The following CFAP161 variants were observed in gnomAD, a reference collection of about 807,000 sequenced individuals.
CFAP161 encodes cilia and flagella associated protein 161.
A neutral mutation model predicts 29.0 loss-of-function variants in CFAP161; 25 were observed. The observed-to-expected ratio is 0.86, with a 90% CI of 0.63 to 1.20. CFAP161 has a LOEUF of 1.20. Among genes scored for constraint, CFAP161 ranks in the 50% most tolerant of loss-of-function variants. The probability of loss-of-function intolerance (pLI) is 0.00; values close to 1 mark genes in which losing one functional copy is unlikely to be tolerated. For synonymous variants in CFAP161, 116 were observed against 137.4 expected, an observed-to-expected ratio of 0.84 and a Z score of 1.09; for missense variants, 367 against 371.9, an observed-to-expected ratio of 0.99 and a Z score of 0.11.
intron 4 of CFAP161, among the ~76,000 whole-genome samples, chr15:81,142,220 A>G (rs925733943): frequency 2.0e-5 from 3 of 151,442 alleles, no homozygotes; most frequent in African/African-American, 7.3e-5. Context: ...CTTTTAGTCT[A>G]TCCTGACTTC....
At chr15:81,105,256 CCTCTTT>C (rs1255645158) in intron 1 of CFAP161, among the ~76,000 whole-genome samples, 7 of 112,916 alleles carry the variant, frequency 6.2e-5, no homozygotes, top group African/African-American at 2.3e-4. Context: ...CTCTCTCCTT[CCTCTTT>C]CTCTTTCTTT....
intron 2 of CFAP161, among the ~76,000 whole-genome samples, chr15:81,129,016 T>C (rs970934026): frequency 5.9e-5 from 9 of 152,106 alleles, no homozygotes; most frequent in African/African-American, 2.2e-4. Context: ...TACTTCTTGA[T>C]CCATGGGCTG....
chr15:81,104,429 C>T (rs963716055), intron 1 of CFAP161, among the ~76,000 whole-genome samples: 9 of 152,166 alleles, frequency 5.9e-5, no homozygotes, highest in Admixed American at 1.3e-4. Context: ...TGAACAGGAG[C>T]GGGCCAAAGT....
chr15:81,147,687 A>G (rs1267049082), intron 5 of CFAP161, among the ~76,000 whole-genome samples, 171 bp from the exon 6 acceptor site: 2 of 152,204 alleles, frequency 1.3e-5, no homozygotes, highest in East Asian at 3.8e-4. Flanking sequence ...TCCTTTGCCA[A>G]ATGAAATGTT....
At chr15:81,129,938 T>C (rs1894687970), upstream of CFAP161, among the ~76,000 whole-genome samples, 1 of 141,172 alleles carries the variant, frequency 7.1e-6, no homozygotes, top group Admixed American at 6.8e-5. Context: ...CATCTTCTAA[T>C]GTAAGGCTTT....
chr15:81,133,776 A>T (rs911072431), upstream of CFAP161, among the ~76,000 whole-genome samples: 2 of 152,018 alleles, frequency 1.3e-5, no homozygotes, highest in African/African-American at 4.8e-5. Flanking sequence ...ATATACTAAC[A>T]TGGTATATTT....
chr15:81,105,118 C>CT lies in CFAP161; in HGVS notation c.-141-22472_-141-22471insT, dbSNP rs1255453981. Among the ~76,000 whole-genome samples the CT allele has an allele frequency of 4.9e-4, 25 of 50,742 alleles. 1 individual carries two copies. The highest frequency in any genetic ancestry group is 1.8e-3 in the African/African-American group (21 of 11,748). The allele number at this position is 50,742 out of a possible 152,430, so 33.3% of individuals were successfully genotyped here. A position where few individuals can be genotyped will look rare whatever the true frequency, so the allele number is the denominator to read the frequency against. On this transcript the variant is annotated intron_variant, in intron 1 of 4. Transcript: ENST00000560091. Reference sequence around the variant, plus strand: ...CCTCCCTCCCTCCCTTCCTTTCTCCCCCATACCTTTCTCCCCCCTCCCCTC... The same window carrying CT: ...CCTCCCTCCCTCCCTTCCTTTCTCCCTCCATACCTTTCTCCCCCCTCCCCTC...
At chr15:81,122,200 G>C (rs1477134358) in intron 1 of CFAP161, among the ~76,000 whole-genome samples, 2 of 152,072 alleles carry the variant, frequency 1.3e-5, no homozygotes, top group Admixed American at 6.5e-5. Context: ...CTTTATAATA[G>C]AATGATTTCT....
intron 1 of CFAP161, among the ~76,000 whole-genome samples, chr15:81,121,854 T>C (rs191229529): frequency 2.6e-4 from 39 of 152,308 alleles, no homozygotes; most frequent in Non-Finnish European, 5.1e-4. Context: ...TTCCTGATTC[T>C]CTCCCTCCTC....
intron 3 of CFAP161, among the ~76,000 whole-genome samples, chr15:81,137,575 G>A (rs2460854): frequency 6.6e-6 from 1 of 151,728 alleles, no homozygotes; most frequent in Non-Finnish European, 1.5e-5. Context: ...CAGCCTGGGG[G>A]AAAAAAAAGA....
In CFAP161 at chr15:81,143,867, A is replaced by G. The variant is rs756796562; in HGVS notation, c.636+47A>G. ...CATGGGTGTCTAGGCTATGAAATGG[A>G]TGCAATTTATTCCTGTCTATAACAC... On this transcript the variant is annotated intron_variant, in intron 5 of 6. Transcript: ENST00000286732. 6.3e-6 allele frequency: 10 copies of G among 1,579,530 alleles called. No homozygotes were observed. The South Asian group carries it at 9.2e-5, about 14-fold the overall frequency.
chr15:81,134,878 T>TC (rs1292087088), intron 1 of CFAP161, among the ~76,000 whole-genome samples: 4 of 152,114 alleles, frequency 2.6e-5, no homozygotes, highest in Non-Finnish European at 5.9e-5. Context: ...CCTCGTATTC[T>TC]CCCAAGGGTG....
upstream of CFAP161, among the ~76,000 whole-genome samples, chr15:81,133,215 ATATATATATGTATT>A (rs1275526948): frequency 0.015 from 497 of 33,370 alleles, 34 homozygotes; most frequent in Non-Finnish European, 0.021. Flanking sequence ...ATATATATAT[ATATATATATGTATT>A]TTTTTTTAAA....
At chr15:81,104,006 A>C (rs757522609) in intron 1 of CFAP161, among the ~76,000 whole-genome samples, 22 of 152,170 alleles carry the variant, frequency 1.4e-4, no homozygotes, top group Non-Finnish European at 1.8e-4. Flanking sequence ...ACATGATTTC[A>C]GAGAGTTTTT....
intron 1 of CFAP161, chr15:81,118,391 TA>T: frequency 4.2e-6 from 1 of 240,528 alleles, no homozygotes. Flanking sequence ...GCACGCCAGG[TA>T]AACCTGATGG....
chr15:81,148,292 A>G lies in CFAP161; in HGVS notation c.711-46A>G, dbSNP rs571550376. 3.3e-6 allele frequency: 5 copies of G among 1,520,556 alleles called. 1 individual carries two copies. Among genetic ancestry groups the G allele is most frequent in the Non-Finnish European group, 4.5e-6 (5 of 1,101,974 alleles). The allele number at this position is 1,520,556 out of a possible 1,614,324, so 94.2% of individuals were successfully genotyped here. The stretch of plus-strand genomic sequence containing the variant: ...AAATTATTAATAACAGCTTATTGAG[A>G]GTTGTTATTCAATTTCAAACCACAA... On this transcript the variant is annotated intron_variant, in intron 6 of 6. Transcript: ENST00000286732.
At chr15:81,127,068 A>G (rs1489511635) in intron 1 of CFAP161, among the ~76,000 whole-genome samples, 1 of 152,218 alleles carries the variant, frequency 6.6e-6, no homozygotes, top group Non-Finnish European at 1.5e-5. Context: ...AACAGGCCAT[A>G]ATATGTAGCT....
At chr15:81,140,174 G>T (rs1415385108) in intron 4 of CFAP161, among the ~76,000 whole-genome samples, 2 of 151,794 alleles carry the variant, frequency 1.3e-5, no homozygotes, top group African/African-American at 4.8e-5. Flanking sequence ...ATTTCCATTT[G>T]CTGCTTGGCT....
At chr15:81,101,071 T>A (rs933910748) in intron 1 of CFAP161, among the ~76,000 whole-genome samples, 10 of 152,206 alleles carry the variant, frequency 6.6e-5, no homozygotes, top group African/African-American at 2.4e-4. Context: ...ACATTCCACA[T>A]CTCATTTCTG....
Sources: allele counts gnomAD v4.1 joint callset (sites outside exome capture counted in the v4.1 genomes callset), GRCh38; gene constraint gnomAD v4.1.1; transcripts MANE v1.5; gene names NCBI Gene and HGNC (gene_info 2026-07-23, HGNC 2026-07-21).